Variants in SNTG1 observed in about 807,000 individuals in gnomAD.
The protein encoded by SNTG1 is gamma-1-syntrophin.
Under a neutral mutation model 74.7 loss-of-function variants are expected in SNTG1, and 39 were observed. That is an observed-to-expected ratio of 0.52 (90% CI 0.40 to 0.68). SNTG1 has a LOEUF of 0.68. SNTG1 is among the 30% of genes least tolerant of loss of function. SNTG1 has a pLI of 0.00. For missense variants in SNTG1, 685 were observed against 609.5 expected (o/e 1.12, Z -1.30); for synonymous variants, 254 against 217.1 (o/e 1.17, Z -1.49).
intron 4 of SNTG1, 145 bp downstream of exon 4, chr8:50,402,489 A>G: frequency 1.0e-6 from 1 of 985,638 alleles, no homozygotes. Context: ...TCATTAAGTA[A>G]TCAGCGGCCC....
intron 1 of SNTG1, among the ~76,000 whole-genome samples, chr8:49,987,993 G>T (rs1321121553): frequency 2.6e-5 from 4 of 152,010 alleles, no homozygotes; most frequent in African/African-American, 9.7e-5. Context: ...CCTAATATTA[G>T]CAATGAAGGA....
chr8:50,218,057 A>G (rs2084881807), intron 2 of SNTG1, among the ~76,000 whole-genome samples: 1 of 152,226 alleles, frequency 6.6e-6, no homozygotes, highest in Admixed American at 6.5e-5. Flanking sequence ...ATACTAAGCC[A>G]TTATTTCAGC....
chr8:49,990,112 G>T (rs575336694), intron 1 of SNTG1, among the ~76,000 whole-genome samples: 70 of 151,610 alleles, frequency 4.6e-4, no homozygotes, highest in Non-Finnish European at 9.3e-4. Context: ...TTAAGGGGAA[G>T]AAAAAAGAAA....
At chr8:50,267,948 C>T (rs1318930612) in intron 2 of SNTG1, among the ~76,000 whole-genome samples, 1 of 152,144 alleles carries the variant, frequency 6.6e-6, no homozygotes, top group African/African-American at 2.4e-5. Flanking sequence ...TAAAGTCACA[C>T]ACATTGGAAA....
intron 6 of SNTG1, among the ~76,000 whole-genome samples, chr8:50,450,030 C>A (rs542432166): frequency 6.6e-6 from 1 of 152,298 alleles, no homozygotes; most frequent in South Asian, 2.1e-4. Flanking sequence ...CTAATGATAA[C>A]AAGTCCCATC....
intron 1 of SNTG1, among the ~76,000 whole-genome samples, chr8:50,098,711 T>C (rs2080019913): frequency 6.6e-6 from 1 of 152,164 alleles, no homozygotes; most frequent in African/African-American, 2.4e-5. Context: ...GATGTGATCT[T>C]GAACAAGTTA....
At chr8:50,420,379 AT>A (rs2093067166) in intron 4 of SNTG1, among the ~76,000 whole-genome samples, 1 of 152,290 alleles carries the variant, frequency 6.6e-6, no homozygotes, top group African/African-American at 2.4e-5. Flanking sequence ...AATAGTTTTA[AT>A]TGCTGAAAGG....
intron 1 of SNTG1, among the ~76,000 whole-genome samples, chr8:50,101,256 T>A (rs2080114120): frequency 6.6e-6 from 1 of 152,082 alleles, no homozygotes; most frequent in Non-Finnish European, 1.5e-5. Flanking sequence ...ATGCGTCTGT[T>A]TTTATGGTAG....
At chr8:50,446,533 G>T (rs1045593904) in intron 5 of SNTG1, among the ~76,000 whole-genome samples, 2 of 152,036 alleles carry the variant, frequency 1.3e-5, no homozygotes, top group Non-Finnish European at 2.9e-5. Flanking sequence ...ACCAAAATTA[G>T]CTGGGCATGA....
chr8:50,749,054 C>A (rs1158148979), intron 17 of SNTG1, among the ~76,000 whole-genome samples: 4 of 152,018 alleles, frequency 2.6e-5, no homozygotes, highest in Admixed American at 2.6e-4. Context: ...AGGCTAAAAG[C>A]TGGGCCTCCT....
chr8:49,953,608 T>C (rs1230039119), intron 1 of SNTG1, among the ~76,000 whole-genome samples: 1 of 152,216 alleles, frequency 6.6e-6, no homozygotes, highest in African/African-American at 2.4e-5. Context: ...TTTGATGATA[T>C]GTAAATGCAA....
intron 13 of SNTG1, among the ~76,000 whole-genome samples, chr8:50,594,485 TA>T: frequency 6.6e-6 from 1 of 152,210 alleles, no homozygotes; most frequent in Admixed American, 6.5e-5. Flanking sequence ...TTAATAAGGT[TA>T]TACTTATTTA....
intron 1 of SNTG1, among the ~76,000 whole-genome samples, chr8:49,999,892 A>C (rs1814588615): frequency 6.6e-6 from 1 of 152,288 alleles, no homozygotes; most frequent in East Asian, 1.9e-4. Flanking sequence ...CTTTTTAGGA[A>C]CTTGAATGAT....
In SNTG1 at chr8:50,440,779, T is replaced by C. The variant is rs542559856; in HGVS notation, c.219+2180T>C. On this transcript the variant is annotated intron_variant, in intron 5 of 18. Coordinates refer to ENST00000642720, the MANE Select transcript of SNTG1 (RefSeq NM_018967.5). ...TTGACTTAAGATGACAGAAGGAAGA[T>C]GGTATGTTAGACAACTGAAAAGCCA... Among the ~76,000 whole-genome samples the C allele has an allele frequency of 3.9e-5, 6 of 152,304 alleles. No individual in the cohort carries two copies. The South Asian group carries it at 8.3e-4, about 21-fold the overall frequency.
Position 50,793,059 on chromosome 8 carries a change from TAC to T in SNTG1, c.*231_*232del, listed in dbSNP as rs1585812022. The T allele has an allele frequency of 8.3e-6, 3 of 362,356 alleles. No individual in the cohort carries two copies. In the East Asian group the frequency reaches 1.2e-4, roughly 15 times the overall value. The allele number at this position is 362,356 out of a possible 1,614,324, so 22.4% of individuals were successfully genotyped here. A position where few individuals can be genotyped will look rare whatever the true frequency, so the allele number is the denominator to read the frequency against. ...AGCTTGTTCTCACTCAGTTGCTTTG[TAC>T]CAGTAAGTGTATTGCTTTCACCAAA... On this transcript the variant is annotated 3_prime_UTR_variant, in exon 19 of 19. Transcript: ENST00000642720.
At chr8:50,501,549 C>T (rs2093955420) in intron 8 of SNTG1, among the ~76,000 whole-genome samples, 1 of 148,636 alleles carries the variant, frequency 6.7e-6, no homozygotes, top group South Asian at 2.1e-4. Flanking sequence ...GATTCTCCTG[C>T]CTTAGCCTCC....
At chr8:50,719,273 G>A (rs1017684742) in intron 17 of SNTG1, among the ~76,000 whole-genome samples, 3 of 152,314 alleles carry the variant, frequency 2.0e-5, no homozygotes, top group African/African-American at 7.2e-5. Flanking sequence ...ATTAAGTCAT[G>A]TGGCTCTGTC....
chr8:50,736,670 T>C (rs1015076244), intron 17 of SNTG1, among the ~76,000 whole-genome samples: 8 of 151,870 alleles, frequency 5.3e-5, no homozygotes, highest in African/African-American at 1.7e-4. Flanking sequence ...GACCACAAGA[T>C]TGGAAGAAAA....
At chr8:50,222,800 A>G (rs2085136486) in intron 2 of SNTG1, among the ~76,000 whole-genome samples, 1 of 152,164 alleles carries the variant, frequency 6.6e-6, no homozygotes, top group African/African-American at 2.4e-5. Flanking sequence ...GGCCCGGGGA[A>G]CTAGTGACCA....
Sources: gnomAD v4.1 joint callset for allele counts (sites outside exome capture counted in the v4.1 genomes callset) on GRCh38, gnomAD v4.1.1 for gene constraint, MANE v1.5 for transcripts, NCBI Gene and HGNC (gene_info 2026-07-23, HGNC 2026-07-21) for gene names.